The following USP40 variants were observed in gnomAD, a reference collection of about 807,000 sequenced individuals.
USP40 encodes the protein ubiquitin specific peptidase 40.
A neutral mutation model predicts 166.2 loss-of-function variants in USP40; 143 were observed. The ratio of observed to expected loss-of-function variants is 0.86; its 90% CI spans 0.75 to 0.99. The LOEUF is 0.99. USP40 is among the 50% of genes least tolerant of loss of function. USP40 has a pLI of 0.00. For synonymous variants in USP40, 498 were observed against 524.0 expected (o/e 0.95, Z 0.68); for missense variants, 1,444 against 1,479.7 (o/e 0.98, Z 0.40).
chr2:233,481,745 C>A (rs983770521), intron 30 of USP40: 12 of 159,102 alleles, frequency 7.5e-5, no homozygotes, highest in African/African-American at 2.9e-4. Flanking sequence ...GGCTTTACTT[C>A]CTTGGCATCT....
intron 5 of USP40, among the ~76,000 whole-genome samples, chr2:233,555,150 G>A (rs12464073): frequency 4.6e-5 from 7 of 152,168 alleles, no homozygotes; most frequent in Admixed American, 1.3e-4. Context: ...CCGAGATTGC[G>A]CCACTGCACT....
intron 7 of USP40, 53 bp from the exon 8 acceptor site, chr2:233,549,282 A>G: frequency 3.5e-6 from 4 of 1,139,932 alleles, no homozygotes; most frequent in Non-Finnish European, 4.8e-6. Context: ...AATGCTGATA[A>G]TAATCAAAAG....
rs776017248 is a variant in USP40, at chr2:233,477,453, GTC to G, written c.3648_3649del (p.Glu1216AspfsTer36). On this transcript the variant is annotated frameshift_variant, in exon 32 of 32. Transcript: ENST00000678225. LOFTEE classifies it high-confidence loss of function. ...TTCCGGGGCTCGGGGCCGGGCAGGC[GTC>G]TCTGCACTGGAGAGGATGTAGCTGC... 2.5e-6 allele frequency: 4 copies of G among 1,613,644 alleles called. No homozygotes were observed. The highest frequency in any genetic ancestry group is 3.3e-5 in the Admixed American group (2 of 60,010).
rs1054644211 is a variant in USP40, at chr2:233,486,153, A to C, written c.3198-176T>G. On this transcript the variant is annotated intron_variant, in intron 28 of 31. Coordinates refer to ENST00000678225, the MANE Select transcript of USP40 (RefSeq NM_001365479.2). This position sits in a 1 kb window ranked among gnomAD's most constrained non-coding sequence, Gnocchi z 4.0. ...CTTATTCCGCATTTCAATTTCCTTTAATCTTGGAATGAAGAGCGGAAGTGA... is the reference window on the plus strand; with the variant it reads ...CTTATTCCGCATTTCAATTTCCTTTCATCTTGGAATGAAGAGCGGAAGTGA... Among the ~76,000 whole-genome samples, 1 of 152,124 alleles carries C rather than the reference A, an allele frequency of 6.6e-6. No individual in the cohort carries two copies. The highest frequency in any genetic ancestry group is 2.1e-4 in the South Asian group (1 of 4,808).
Position 233,542,323 on chromosome 2 carries a change from TG to T in USP40, c.1006del (p.Gln336ArgfsTer10). The T allele has an allele frequency of 6.4e-7, 1 of 1,560,612 alleles. No individual in the cohort carries two copies. The highest frequency in any genetic ancestry group is 8.7e-7 in the Non-Finnish European group (1 of 1,152,856). On this transcript the variant is annotated frameshift_variant, in exon 9 of 32. Coordinates refer to ENST00000678225, the MANE Select transcript of USP40 (RefSeq NM_001365479.2). LOFTEE classifies it high-confidence loss of function. Reference protein sequence around the residue: ...SKPDVNLKDLQSEEEIDHPLM... With the variant: ...SKPDVNLKDLXSEEEIDHPLM... ...TGGATGATCAATCTCTTCTTCACTC[TG>T]GAGATCTTTCAGATTCACATCTGGT...
intron 10 of USP40, 58 bp downstream of exon 10, chr2:233,540,604 T>C (rs1189826445): frequency 2.7e-5 from 28 of 1,047,188 alleles, no homozygotes; most frequent in Non-Finnish European, 3.9e-5. Context: ...TTCATGTTGT[T>C]GCGATCATAA....
intron 10 of USP40, 27 bp from the exon 11 acceptor site, chr2:233,533,806 TAA>T (rs2068734610): frequency 1.3e-6 from 2 of 1,489,566 alleles, no homozygotes; most frequent in Non-Finnish European, 8.9e-7. Flanking sequence ...AAAAAAATGC[TAA>T]GTTAATTATT....
intron 30 of USP40, 91 bp downstream of exon 30, chr2:233,485,440 C>T: frequency 1.0e-6 from 1 of 992,480 alleles, no homozygotes. Context: ...ATGGGATAAT[C>T]TGTGTCTTGA....
rs2064529684 is a variant in USP40 at position 233,480,834 on chromosome 2, T to G, written c.3599+369A>C. 6.6e-6 allele frequency among the ~76,000 whole-genome samples: 1 copy of G among 151,556 alleles called. No homozygotes were observed. Among genetic ancestry groups the G allele is most frequent in the Admixed American group, 6.6e-5 (1 of 15,244 alleles). On this transcript the variant is annotated intron_variant, in intron 31 of 31. Coordinates refer to ENST00000678225, the MANE Select transcript of USP40 (RefSeq NM_001365479.2). This position sits in a 1 kb window ranked among gnomAD's most constrained non-coding sequence, Gnocchi z 4.5. The stretch of plus-strand genomic sequence containing the variant: ...CAGGGAGCCCGCAGCAGGGCTGAGG[T>G]GGCAGCAAGACGGGGTGGTTCTGGA...
intron 21 of USP40, among the ~76,000 whole-genome samples, chr2:233,504,976 C>A (rs1444813358): frequency 6.6e-6 from 1 of 152,008 alleles, no homozygotes; most frequent in Non-Finnish European, 1.5e-5. Context: ...AGTCTTAATA[C>A]ATTTAACAAG....
Position 233,523,172 on chromosome 2 carries a change from G to T in USP40, c.2199C>A (p.Asn733Lys). 1.2e-6 allele frequency: 2 copies of T among 1,605,892 alleles called. No homozygotes were observed. ...SILIQDSHDDNSLLTKEEKWV... is the reference protein window; with the variant it reads ...SILIQDSHDDKSLLTKEEKWV... ...TTTTTCTCTTGTTAGCGAGTTACCTGTTATCATCATGAGAATCCTGAATTA... is the reference window on the plus strand; with the variant it reads ...TTTTTCTCTTGTTAGCGAGTTACCTTTTATCATCATGAGAATCCTGAATTA... Residue 733 changes from asparagine to lysine, a missense_variant and splice_region_variant, in exon 16 of 32, where the codon AAC (asparagine) becomes AAA (lysine). By Grantham distance (94) the Asn-to-Lys change is moderately conservative. Transcript: ENST00000678225.
intron 24 of USP40, among the ~76,000 whole-genome samples, chr2:233,494,948 A>ATT (rs2065619591): frequency 8.3e-4 from 27 of 32,484 alleles, no homozygotes; most frequent in African/African-American, 1.3e-3. Flanking sequence ...ATATATATAT[A>ATT]TATATATTTA....
intron 12 of USP40, among the ~76,000 whole-genome samples, chr2:233,528,673 T>C (rs1427139223): frequency 2.0e-5 from 3 of 152,222 alleles, no homozygotes; most frequent in Non-Finnish European, 2.9e-5. Flanking sequence ...TTTTGGTATC[T>C]TGGTTTTTGT....
At chr2:233,492,394 T>C (rs1367805225) in intron 25 of USP40, among the ~76,000 whole-genome samples, 1 of 152,208 alleles carries the variant, frequency 6.6e-6, no homozygotes, top group African/African-American at 2.4e-5. Context: ...GACACATGAG[T>C]GCATTTCCCA....
intron 8 of USP40, among the ~76,000 whole-genome samples, chr2:233,544,786 C>A (rs1163713844): frequency 1.3e-5 from 2 of 152,094 alleles, no homozygotes; most frequent in Non-Finnish European, 2.9e-5. Context: ...GAAAAAAAAT[C>A]CACCTTACAA....
intron 18 of USP40, among the ~76,000 whole-genome samples, chr2:233,517,386 G>GTTTTTTTTT (rs201945738): frequency 7.5e-6 from 1 of 133,998 alleles, no homozygotes; most frequent in African/African-American, 2.8e-5. Context: ...ATGGTTTTTT[G>GTTTTTTTTT]TTTTTTTTTT....
In USP40 at chr2:233,475,841, G is replaced by A. The variant is rs1457527016; in HGVS notation, c.*1551C>T. 6.6e-6 allele frequency: 1 copy of A among 152,430 alleles called. No individual in the cohort carries two copies. The highest frequency in any genetic ancestry group is 1.5e-5 in the Non-Finnish European group (1 of 68,070). 9.4% of individuals were successfully genotyped at this position (152,430 alleles called of 1,614,324 possible). ...TATGTCAGTTAAAGCCACAGAAACA[G>A]AACAGCTTAAGAAGGGCTGGGCGCC... On this transcript the variant is annotated 3_prime_UTR_variant, in exon 32 of 32. Coordinates refer to ENST00000678225, the MANE Select transcript of USP40 (RefSeq NM_001365479.2).
At chr2:233,545,166 T>G (rs988414528) in intron 8 of USP40, among the ~76,000 whole-genome samples, 11 of 152,222 alleles carry the variant, frequency 7.2e-5, no homozygotes, top group African/African-American at 2.7e-4. Context: ...TACAAAGTCT[T>G]CAGATGCTGC....
At chr2:233,490,224 C>T (rs1162477184) in intron 26 of USP40, among the ~76,000 whole-genome samples, 4 of 134,678 alleles carry the variant, frequency 3.0e-5, no homozygotes, top group African/African-American at 5.6e-5. Flanking sequence ...AGTGCAGTGG[C>T]GCAATCTCAG....
Sources: gnomAD v4.1 joint callset for allele counts (sites outside exome capture counted in the v4.1 genomes callset) on GRCh38, gnomAD v4.1.1 for gene constraint, Gnocchi (gnomAD v3.1) non-coding constraint, MANE v1.5 for transcripts, NCBI Gene and HGNC (gene_info 2026-07-23, HGNC 2026-07-21) for gene names.